Variants in PDZD2 observed in about 807,000 individuals in gnomAD.
The protein encoded by PDZD2 is PDZ domain containing 2.
PDZD2 carries 90 observed loss-of-function variants against 220.7 expected under a neutral mutation model. The observed-to-expected ratio is 0.41, with a 90% CI of 0.34 to 0.49. PDZD2 has a LOEUF of 0.49. Among genes scored for constraint, PDZD2 ranks in the 20% least tolerant of loss-of-function variants. The pLI is 0.28. For synonymous variants in PDZD2, 1,375 were observed against 1,450.5 expected (o/e 0.95, Z 1.18); for missense variants, 3,174 against 3,608.5 (o/e 0.88, Z 3.08).
intron 7 of PDZD2, among the ~76,000 whole-genome samples, chr5:32,046,815 G>C (rs923718438): frequency 6.6e-6 from 1 of 152,252 alleles, no homozygotes; most frequent in South Asian, 2.1e-4. Context: ...GGCCAAGGCA[G>C]GTAGACCACC....
chr5:31,706,679 A>T (rs1047985314), intron 1 of PDZD2, among the ~76,000 whole-genome samples: 2 of 152,074 alleles, frequency 1.3e-5, no homozygotes, highest in African/African-American at 4.8e-5. Flanking sequence ...CCCCGTCTCT[A>T]TTACAAATAC....
chr5:31,662,700 G>C (rs1398791268), intron 1 of PDZD2, among the ~76,000 whole-genome samples: 1 of 152,158 alleles, frequency 6.6e-6, no homozygotes, highest in Non-Finnish European at 1.5e-5. Context: ...CGCAATCTCA[G>C]CTCACTGCAT....
At chr5:31,858,536 C>T (rs1335392825) in intron 2 of PDZD2, among the ~76,000 whole-genome samples, 2 of 152,172 alleles carry the variant, frequency 1.3e-5, no homozygotes, top group Admixed American at 1.3e-4. Flanking sequence ...TGATTACAGC[C>T]CTTTCCCAAA....
At chr5:32,015,854 GA>G (rs987525244) in intron 6 of PDZD2, among the ~76,000 whole-genome samples, 2 of 150,638 alleles carry the variant, frequency 1.3e-5, no homozygotes, top group African/African-American at 4.9e-5. Context: ...TTTTAACAAA[GA>G]AAAAAAAATG....
intron 1 of PDZD2, among the ~76,000 whole-genome samples, chr5:31,712,451 CCTCTCTCTCT>C (rs72212182): frequency 0.012 from 1,625 of 131,288 alleles, 19 homozygotes; most frequent in South Asian, 0.058. Context: ...GCTGGGCCTG[CCTCTCTCTCT>C]CTCTCTCTCT....
intron 21 of PDZD2, among the ~76,000 whole-genome samples, chr5:32,096,275 C>A (rs78615068): frequency 0.02 from 2,982 of 152,134 alleles, 94 homozygotes; most frequent in African/African-American, 0.068. Context: ...CCTCCCAACT[C>A]CCCCAAAAGT....
intron 1 of PDZD2, among the ~76,000 whole-genome samples, chr5:31,771,019 A>G (rs1752311039): frequency 6.6e-6 from 1 of 152,200 alleles, no homozygotes; most frequent in Non-Finnish European, 1.5e-5. Flanking sequence ...ATTTATGGAA[A>G]GACTACCGTG....
At position 31,796,248 on chromosome 5, in the gene PDZD2, T is replaced by C. The variant is rs751490095; in HGVS notation, c.-360-2641T>C. ...TCTTTCATTTTAAAGTCGTCAAAAT[T>C]TTACAATGTAATTTATTGTAAGGAT... On this transcript the variant is annotated intron_variant, in intron 1 of 24. Coordinates refer to ENST00000438447, the MANE Select transcript of PDZD2 (RefSeq NM_178140.4). Among the ~76,000 whole-genome samples the C allele has an allele frequency of 1.5e-4, 23 of 152,234 alleles. 1 individual carries two copies. The highest frequency in any genetic ancestry group is 2.1e-4 in the Non-Finnish European group (14 of 68,044).
At chr5:31,974,093 G>A (rs1217694872) in intron 2 of PDZD2, among the ~76,000 whole-genome samples, 1 of 152,230 alleles carries the variant, frequency 6.6e-6, no homozygotes, top group East Asian at 1.9e-4. Context: ...CAATTCTCCT[G>A]TTTCAGCCTC....
intron 1 of PDZD2, among the ~76,000 whole-genome samples, chr5:31,651,873 A>G (rs1745363220): frequency 7.3e-6 from 1 of 137,382 alleles, no homozygotes; most frequent in African/African-American, 2.8e-5. Context: ...GCTGGAGTGT[A>G]GTGATGCAAT....
rs1469263081 is a variant in PDZD2, at chr5:32,087,070, C to T, written c.3683-61C>T. 2.4e-6 allele frequency: 2 copies of T among 836,198 alleles called. No homozygotes were observed. The highest frequency in any genetic ancestry group is 3.8e-6 in the Non-Finnish European group (2 of 519,576). 51.8% of individuals were successfully genotyped at this position (836,198 alleles called of 1,614,324 possible). ...TGAGGGGCTGCTTTCTTATATTATC[C>T]CTTTTATCTCCCCTACAACCTCTCC... On this transcript the variant is annotated intron_variant, in intron 19 of 24. Coordinates refer to ENST00000438447, the MANE Select transcript of PDZD2 (RefSeq NM_178140.4). This position sits in a 1 kb window ranked among gnomAD's most constrained non-coding sequence, Gnocchi z 4.0.
chr5:31,846,315 A>G (rs1051887981), intron 2 of PDZD2, among the ~76,000 whole-genome samples: 23 of 152,032 alleles, frequency 1.5e-4, no homozygotes, highest in African/African-American at 4.8e-4. Flanking sequence ...TTGTATTTTT[A>G]GTAGAGACAA....
chr5:32,041,754 G>A lies in PDZD2; in HGVS notation c.1519+4412G>A, dbSNP rs867770902. Reference sequence around the variant, plus strand: ...AGGAAAACCAGAGACCTTTGTTCACGTGTTTATCTGCTGACCTTCTCTCCA... The same window carrying A: ...AGGAAAACCAGAGACCTTTGTTCACATGTTTATCTGCTGACCTTCTCTCCA... On this transcript the variant is annotated intron_variant, in intron 7 of 24. Coordinates refer to ENST00000438447, the MANE Select transcript of PDZD2 (RefSeq NM_178140.4). Among the ~76,000 whole-genome samples the A allele has an allele frequency of 2.5e-4, 38 of 151,946 alleles. No homozygotes were observed. The Middle Eastern group carries it at 0.01, about 41-fold the overall frequency.
At chr5:31,729,461 T>C (rs1749384027) in intron 1 of PDZD2, among the ~76,000 whole-genome samples, 1 of 152,132 alleles carries the variant, frequency 6.6e-6, no homozygotes, top group African/African-American at 2.4e-5. Context: ...CATGCCCACT[T>C]TACAGATGGA....
intron 2 of PDZD2, among the ~76,000 whole-genome samples, chr5:31,949,826 C>T (rs1007380357): frequency 7.0e-6 from 1 of 142,318 alleles, no homozygotes; most frequent in Non-Finnish European, 1.5e-5. Context: ...GCATGCGCTA[C>T]CACACCAGCT....
At chr5:31,737,321 C>G (rs943149701) in intron 1 of PDZD2, among the ~76,000 whole-genome samples, 1 of 151,830 alleles carries the variant, frequency 6.6e-6, no homozygotes, top group African/African-American at 2.4e-5. Flanking sequence ...TACAGGCGCC[C>G]ACCACCACGC....
At chr5:31,879,565 A>C (rs926565712) in intron 2 of PDZD2, among the ~76,000 whole-genome samples, 2 of 152,024 alleles carry the variant, frequency 1.3e-5, no homozygotes, top group Non-Finnish European at 2.9e-5. Context: ...TAGCATTCTT[A>C]TGAATGGTCA....
chr5:31,969,913 T>A (rs570365493), intron 2 of PDZD2, among the ~76,000 whole-genome samples: 1 of 151,082 alleles, frequency 6.6e-6, no homozygotes, highest in African/African-American at 2.4e-5. Context: ...TTATTTATTT[T>A]TTGAGACGGA....
intron 1 of PDZD2, among the ~76,000 whole-genome samples, chr5:31,668,428 T>C (rs537316655): frequency 3.9e-5 from 6 of 152,364 alleles, no homozygotes; most frequent in African/African-American, 9.6e-5. Context: ...TCAGGTCTCA[T>C]TGTCCCATAG....
Sources: gnomAD v4.1 joint callset for allele counts (sites outside exome capture counted in the v4.1 genomes callset) on GRCh38, gnomAD v4.1.1 for gene constraint, Gnocchi (gnomAD v3.1) non-coding constraint, MANE v1.5 for transcripts, NCBI Gene and HGNC (gene_info 2026-07-23, HGNC 2026-07-21) for gene names.